Variants in TACR1 observed in about 807,000 individuals in gnomAD.
TACR1 encodes the protein tachykinin receptor 1, also known as substance-P receptor.
TACR1 carries 25 observed loss-of-function variants against 35.8 expected under a neutral mutation model. The ratio of observed to expected loss-of-function variants is 0.70; its 90% CI spans 0.51 to 0.98. The LOEUF (loss-of-function observed/expected upper bound fraction) is 0.98. TACR1 is among the 50% of genes least tolerant of loss of function. The pLI is 0.00. For missense variants in TACR1, 478 were observed against 522.9 expected, an observed-to-expected ratio of 0.91 and a Z score of 0.84; for synonymous variants, 195 against 206.7, an observed-to-expected ratio of 0.94 and a Z score of 0.48.
At chr2:75,198,515 T>C (rs200220323) in intron 1 of TACR1, 31 bp downstream of exon 1, 5 of 1,604,052 alleles carry the variant, frequency 3.1e-6, no homozygotes, top group Non-Finnish European at 4.3e-6. Context: ...CTATGAGCAC[T>C]TTCTCGCCTT....
chr2:75,169,506 C>A (rs1675225149), intron 1 of TACR1, among the ~76,000 whole-genome samples: 1 of 152,156 alleles, frequency 6.6e-6, no homozygotes, highest in Admixed American at 6.5e-5. Context: ...ACATTTATTG[C>A]CATCTATCAG....
chr2:75,094,576 T>A (rs116327575), intron 2 of TACR1, among the ~76,000 whole-genome samples: 1 of 151,946 alleles, frequency 6.6e-6, no homozygotes, highest in South Asian at 2.1e-4. Context: ...GTGCTTGTGG[T>A]GATAATGGCA....
chr2:75,100,644 G>A (rs1300447186), intron 2 of TACR1, among the ~76,000 whole-genome samples: 1 of 152,200 alleles, frequency 6.6e-6, no homozygotes, highest in Non-Finnish European at 1.5e-5. Flanking sequence ...GACTCTAAGA[G>A]CTTTAAGGTG....
intron 1 of TACR1, among the ~76,000 whole-genome samples, chr2:75,179,378 G>C (rs754629984): frequency 6.6e-6 from 1 of 152,138 alleles, no homozygotes; most frequent in African/African-American, 2.4e-5. Flanking sequence ...CCACAGGAGA[G>C]CTCCTAACTG....
At chr2:75,163,359 G>T (rs953439959) in intron 1 of TACR1, among the ~76,000 whole-genome samples, 19 of 152,062 alleles carry the variant, frequency 1.2e-4, no homozygotes, top group Non-Finnish European at 2.5e-4. Flanking sequence ...ATATTTATTT[G>T]CCTTGAATGA....
chr2:75,052,255 C>T (rs1672483873), intron 3 of TACR1, among the ~76,000 whole-genome samples: 1 of 152,172 alleles, frequency 6.6e-6, no homozygotes. Flanking sequence ...AGACCCCTTG[C>T]CCCTTCCACC....
intron 1 of TACR1, among the ~76,000 whole-genome samples, chr2:75,156,915 C>T (rs1257637395): frequency 1.3e-5 from 2 of 152,130 alleles, no homozygotes; most frequent in Non-Finnish European, 2.9e-5. Flanking sequence ...CACTGCATTT[C>T]CATTAAAATG....
intron 2 of TACR1, among the ~76,000 whole-genome samples, chr2:75,094,748 G>A (rs1366337386): frequency 1.3e-5 from 2 of 150,990 alleles, no homozygotes; most frequent in Non-Finnish European, 2.9e-5. Context: ...GATGAGAGAT[G>A]TGCCATTTGC....
intron 1 of TACR1, among the ~76,000 whole-genome samples, chr2:75,139,964 C>G (rs1178164030): frequency 6.6e-6 from 1 of 152,092 alleles, no homozygotes; most frequent in Non-Finnish European, 1.5e-5. Flanking sequence ...AGGTTGTTAA[C>G]GGAGAGAGGA....
At chr2:75,173,630 G>C (rs369095951) in intron 1 of TACR1, among the ~76,000 whole-genome samples, 2 of 152,214 alleles carry the variant, frequency 1.3e-5, no homozygotes, top group African/African-American at 4.8e-5. Flanking sequence ...AATGAAGCTG[G>C]GGAAAAAGGA....
intron 2 of TACR1, among the ~76,000 whole-genome samples, chr2:75,100,528 G>T (rs1376503088): frequency 1.3e-5 from 2 of 152,032 alleles, no homozygotes; most frequent in Admixed American, 1.3e-4. Context: ...TACTATCTTG[G>T]TCTGTTGAGC....
intron 1 of TACR1, among the ~76,000 whole-genome samples, chr2:75,128,522 T>G (rs1018434116): frequency 6.6e-6 from 1 of 152,190 alleles, no homozygotes; most frequent in African/African-American, 2.4e-5. Context: ...ACAGTAAGCA[T>G]TGGGAATGAG....
At chr2:75,169,148 A>G (rs1187358381) in intron 1 of TACR1, among the ~76,000 whole-genome samples, 1 of 152,162 alleles carries the variant, frequency 6.6e-6, no homozygotes, top group East Asian at 1.9e-4. Flanking sequence ...AATCTCTTTC[A>G]AGGCTTATTT....
chr2:75,198,907 C>G lies in TACR1; in HGVS notation c.28G>C (p.Asp10His), dbSNP rs1407474432. The change falls in exon 1 of 5, where the codon GAC becomes CAC. Residue 10 changes from aspartate to histidine, a missense_variant. Coordinates refer to ENST00000305249, the MANE Select transcript of TACR1 (RefSeq NM_001058.4). ...TTAGTGGAGATGTTTGGGGAGAGGT[C>G]TGAGTCCACCGGGAGGACGTTATCC... MDNVLPVDS[D>H]LSPNISTNTS... is the part of the protein sequence containing the mutation. 4 of 1,613,734 alleles carry G rather than the reference C, an allele frequency of 2.5e-6. No homozygotes were observed. The highest frequency in any genetic ancestry group is 3.4e-6 in the Non-Finnish European group (4 of 1,180,026).
intron 2 of TACR1, among the ~76,000 whole-genome samples, chr2:75,090,524 C>T (rs577975620): frequency 6.6e-6 from 1 of 152,292 alleles, no homozygotes; most frequent in Non-Finnish European, 1.5e-5. Flanking sequence ...CTATTGATCC[C>T]AAGTCTTTAG....
intron 1 of TACR1, among the ~76,000 whole-genome samples, chr2:75,172,530 A>G (rs983571907): frequency 1.3e-5 from 2 of 151,868 alleles, no homozygotes; most frequent in Non-Finnish European, 2.9e-5. Flanking sequence ...CACACATCTC[A>G]GATGCCTGAG....
At chr2:75,115,259 A>T (rs797021924) in intron 2 of TACR1, among the ~76,000 whole-genome samples, 4 of 152,266 alleles carry the variant, frequency 2.6e-5, no homozygotes, top group African/African-American at 9.6e-5. Flanking sequence ...CCTAAAAGGG[A>T]AATGAGCATT....
chr2:75,148,166 G>C (rs2103960244), intron 1 of TACR1, among the ~76,000 whole-genome samples: 1 of 152,266 alleles, frequency 6.6e-6, no homozygotes, highest in South Asian at 2.1e-4. Flanking sequence ...TGTAAATAGT[G>C]CTGCAATAAA....
intron 2 of TACR1, among the ~76,000 whole-genome samples, chr2:75,111,927 A>G (rs1673757689): frequency 6.6e-6 from 1 of 151,924 alleles, no homozygotes; most frequent in Non-Finnish European, 1.5e-5. Context: ...AAACCACACA[A>G]ATATGTATAA....
Sources: gnomAD v4.1 joint callset for allele counts (sites outside exome capture counted in the v4.1 genomes callset) on GRCh38, gnomAD v4.1.1 for gene constraint, MANE v1.5 for transcripts, NCBI Gene and HGNC (gene_info 2026-07-23, HGNC 2026-07-21) for gene names.